Variants in NOMO1 observed in about 807,000 individuals in gnomAD.
The protein encoded by NOMO1 is NODAL modulator 1, also known as nodal modulator 3.
In NOMO1, 40 loss-of-function variants were observed where a neutral mutation model predicts 133.8. That is an observed-to-expected ratio of 0.30 (90% CI 0.23 to 0.39). The LOEUF (loss-of-function observed/expected upper bound fraction) is 0.39. NOMO1 is among the 10% of genes least tolerant of loss of function. The pLI is 1.00. For missense variants in NOMO1, 462 were observed against 1,419.9 expected, an observed-to-expected ratio of 0.33 and a Z score of 10.84; for synonymous variants, 236 against 570.5, an observed-to-expected ratio of 0.41 and a Z score of 8.36.
chr16:14,857,932 C>T (rs929459614), intron 11 of NOMO1, among the ~76,000 whole-genome samples: 1 of 84,134 alleles, frequency 1.2e-5, no homozygotes, highest in African/African-American at 4.8e-5. Context: ...TGCCCCACCA[C>T]ACCCAGCTAA....
At chr16:14,851,739 T>G (rs77478783) in intron 6 of NOMO1, among the ~76,000 whole-genome samples, 4,827 of 36,190 alleles carry the variant, frequency 0.13, 1,076 homozygotes, top group Middle Eastern at 0.45. Context: ...CACGTACAGA[T>G]AAACCTTTAG....
intron 2 of NOMO1, among the ~76,000 whole-genome samples, chr16:14,839,493 C>T (rs550440249): frequency 6.6e-6 from 1 of 152,026 alleles, no homozygotes; most frequent in Non-Finnish European, 1.5e-5. Context: ...TCCACAAACA[C>T]CTCTATACAA....
Position 14,882,548 on chromosome 16 carries a change from C to T in NOMO1, c.3028-46C>T, listed in dbSNP as rs368079222. 8.4e-5 allele frequency: 136 copies of T among 1,611,214 alleles called. 1 individual carries two copies. Among genetic ancestry groups the T allele is most frequent in the African/African-American group, 3.8e-4 (28 of 74,490 alleles). ...AACCAGGCTTGGACCAGGCACGATACGACAAGCCCCCTTTCTAGAGAGCTG... is the reference window on the plus strand; with the variant it reads ...AACCAGGCTTGGACCAGGCACGATATGACAAGCCCCCTTTCTAGAGAGCTG... On this transcript the variant is annotated intron_variant, in intron 25 of 30. Coordinates refer to ENST00000287667, the MANE Select transcript of NOMO1 (RefSeq NM_014287.4).
chr16:14,885,758 A>G (rs908042087), intron 27 of NOMO1, among the ~76,000 whole-genome samples: 36 of 151,744 alleles, frequency 2.4e-4, no homozygotes, highest in African/African-American at 8.7e-4. Context: ...CTTGCTCCTG[A>G]GTGTTGCTGT....
chr16:14,876,389 A>G lies in NOMO1; in HGVS notation c.2387A>G (p.His796Arg), dbSNP rs1353149951. The stretch of plus-strand genomic sequence containing the variant: ...TGCCCAGGGAAGCTGATCGAGATCC[A>G]TGGGAAGGCAGGCCTGTTTTTAGAA... ...ESCPGKLIEI[H>R]GKAGLFLEGQ... Residue 796 changes from histidine to arginine, a missense_variant, in exon 21 of 31, where the codon CAT becomes CGT. His to Arg is a conservative substitution (Grantham distance 29). Transcript: ENST00000287667. 20 of 1,611,238 alleles carry G rather than the reference A, an allele frequency of 1.2e-5. No individual in the cohort carries two copies. Among genetic ancestry groups the G allele is most frequent in the Admixed American group, 3.3e-5 (2 of 59,948 alleles).
At chr16:14,869,752 G>A (rs1403992969) in intron 16 of NOMO1, among the ~76,000 whole-genome samples, 1 of 151,712 alleles carries the variant, frequency 6.6e-6, no homozygotes, top group Non-Finnish European at 1.5e-5. Flanking sequence ...TTCTTGTTTC[G>A]ATACCTGGGA....
chr16:14,877,191 A>T, intron 22 of NOMO1, among the ~76,000 whole-genome samples: 2 of 105,894 alleles, frequency 1.9e-5, no homozygotes, highest in South Asian at 4.1e-4. Flanking sequence ...TCTTTCACGT[A>T]GCATAATTTG....
intron 2 of NOMO1, among the ~76,000 whole-genome samples, chr16:14,839,055 T>G (rs1479998476): frequency 6.6e-6 from 1 of 151,118 alleles, no homozygotes; most frequent in African/African-American, 2.4e-5. Flanking sequence ...TTTTTGTTGT[T>G]TTTTTTTTTC....
intron 16 of NOMO1, among the ~76,000 whole-genome samples, chr16:14,871,072 A>G (rs528596046): frequency 6.7e-6 from 1 of 150,274 alleles, no homozygotes; most frequent in Non-Finnish European, 1.5e-5. Context: ...GGGGAAATAC[A>G]TTGTTATTCC....
In NOMO1 at chr16:14,858,833, G is replaced by C. The variant is rs144690540; in HGVS notation, c.1220+1178G>C. On this transcript the variant is annotated intron_variant, in intron 11 of 30. Coordinates refer to ENST00000287667, the MANE Select transcript of NOMO1 (RefSeq NM_014287.4). ...TTGAAGGGGACAGGACTTGGGCACA[G>C]GAGCTCTGAAAGCAGAGACGACAAG... 3.9e-5 allele frequency among the ~76,000 whole-genome samples: 6 copies of C among 152,208 alleles called. No individual in the cohort carries two copies. In the East Asian group the frequency reaches 1.2e-3, roughly 30 times the overall value.
intron 27 of NOMO1, among the ~76,000 whole-genome samples, chr16:14,885,558 G>A (rs1202133620): frequency 4.6e-5 from 7 of 151,946 alleles, no homozygotes; most frequent in African/African-American, 1.7e-4. Flanking sequence ...TGGCATGGGT[G>A]AGAAAGTGTG....
Position 14,878,746 on chromosome 16 carries a change from T to C in NOMO1, c.2669T>C (p.Leu890Pro). The C allele has an allele frequency of 9.9e-6, 16 of 1,611,680 alleles. No homozygotes were observed. The highest frequency in any genetic ancestry group is 1.4e-5 in the Non-Finnish European group (16 of 1,179,812). ...FEIKAEDDQPLPGVLLSLSGG... is the reference protein window; with the variant it reads ...FEIKAEDDQPPPGVLLSLSGG... ...ATAAAAGCTGAGGATGACCAGCCCC[T>C]CCCGGGAGTCCTCTTATCCCTGAGC... Residue 890 changes from leucine (L) to proline (P), a missense_variant, in exon 23 of 31, where the codon CTC becomes CCC. Coordinates refer to ENST00000287667, the MANE Select transcript of NOMO1 (RefSeq NM_014287.4).
At chr16:14,881,334 A>C (rs916971404) in intron 24 of NOMO1, among the ~76,000 whole-genome samples, 8 of 151,986 alleles carry the variant, frequency 5.3e-5, no homozygotes, top group Non-Finnish European at 1.2e-4. Flanking sequence ...CATCCCTCAA[A>C]ATGTATGAGA....
intron 11 of NOMO1, 55 bp from the exon 12 acceptor site, chr16:14,862,958 C>G: frequency 6.2e-7 from 1 of 1,610,124 alleles, no homozygotes. Context: ...TCTATAAGAG[C>G]CTTTCCTGTT....
chr16:14,840,652 T>C (rs1963592460), intron 2 of NOMO1, among the ~76,000 whole-genome samples: 1 of 150,384 alleles, frequency 6.6e-6, no homozygotes, highest in African/African-American at 2.5e-5. Context: ...GTTTTATTTA[T>C]TGAATTAATG....
chr16:14,875,083 CTG>C lies in NOMO1; in HGVS notation c.2105_2106del (p.Val702AlafsTer11), dbSNP rs1964135248. On this transcript the variant is annotated frameshift_variant, in exon 19 of 31. Coordinates refer to ENST00000287667, the MANE Select transcript of NOMO1 (RefSeq NM_014287.4). LOFTEE classifies it high-confidence loss of function. Reference sequence around the variant, plus strand: ...GCCTTGGTCTTAGGCCCTCTGAAGTCTGTGCAGGAGCTGCGGAGGGAGCAGCA... The same window carrying C: ...GCCTTGGTCTTAGGCCCTCTGAAGTCTGCAGGAGCTGCGGAGGGAGCAGCA... The C allele has an allele frequency of 6.2e-7, 1 of 1,613,674 alleles. No individual in the cohort carries two copies. The highest frequency in any genetic ancestry group is 8.5e-7 in the Non-Finnish European group (1 of 1,179,834).
intron 1 of NOMO1, among the ~76,000 whole-genome samples, chr16:14,836,394 GAGTT>G (rs1398406773): frequency 6.6e-6 from 1 of 152,084 alleles, no homozygotes; most frequent in Non-Finnish European, 1.5e-5. Context: ...TTCGTTTTAT[GAGTT>G]AGTCACTTTG....
At chr16:14,842,685 A>G (rs915391499) in intron 3 of NOMO1, among the ~76,000 whole-genome samples, 11 of 152,042 alleles carry the variant, frequency 7.2e-5, no homozygotes, top group African/African-American at 2.4e-4. Context: ...CTCCTTAGCC[A>G]TCCCGCCCCA....
rs1963685148 is a variant in NOMO1, at chr16:14,846,592, C to T, written c.418C>T (p.Gln140Ter). ...TCCATGGCAGGTCCTCAGCAAAGGG[C>T]AGCCCCTGGGTCCTGCGGGAGTTCA... ...SVNGKVLSKG[Q>*]PLGPAGVQVS... Residue 140 changes from glutamine to a stop codon, truncating the protein, a stop_gained, in exon 5 of 31, where the codon CAG (glutamine) becomes TAG (stop). Coordinates refer to ENST00000287667, the MANE Select transcript of NOMO1 (RefSeq NM_014287.4). LOFTEE classifies it high-confidence loss of function. 8.6e-7 allele frequency: 1 copy of T among 1,157,570 alleles called. No homozygotes were observed. The highest frequency in any genetic ancestry group is 2.2e-5 in the Admixed American group (1 of 44,500). 71.7% of individuals were successfully genotyped at this position (1,157,570 alleles called of 1,614,324 possible).
Sources: allele counts gnomAD v4.1 joint callset (sites outside exome capture counted in the v4.1 genomes callset), GRCh38; gene constraint gnomAD v4.1.1; transcripts MANE v1.5; gene names NCBI Gene and HGNC (gene_info 2026-07-23, HGNC 2026-07-21).